SLIT2: variants seen among roughly 807,000 people sequenced by gnomAD.
The protein encoded by SLIT2 is slit homolog 2 protein.
SLIT2 carries 41 observed loss-of-function variants against 185.7 expected under a neutral mutation model. The ratio of observed to expected loss-of-function variants is 0.22; its 90% confidence interval spans 0.17 to 0.29. The LOEUF (loss-of-function observed/expected upper bound fraction) is 0.29. Ranked by LOEUF, SLIT2 falls within the 10% of genes least tolerant of loss-of-function variation. SLIT2 has a pLI of 1.00. For synonymous variants in SLIT2, 693 were observed against 680.2 expected (o/e 1.02, Z -0.29); for missense variants, 1,571 against 1,909.0 (o/e 0.82, Z 3.30).
intron 3 of SLIT2, among the ~76,000 whole-genome samples, chr4:20,268,190 A>G (rs944760391): frequency 6.6e-6 from 1 of 151,914 alleles, no homozygotes; most frequent in Non-Finnish European, 1.5e-5. Flanking sequence ...TTAAAACATT[A>G]CTGAAACTGA....
At chr4:20,592,051 G>C (rs61790708) in intron 30 of SLIT2, among the ~76,000 whole-genome samples, 7,396 of 152,224 alleles carry the variant, frequency 0.049, 211 homozygotes, top group African/African-American at 0.074. Flanking sequence ...GGTTAGGTCA[G>C]TGTGTGTGCT....
chr4:20,583,239 CATT>C (rs373820170), intron 29 of SLIT2, among the ~76,000 whole-genome samples: 22 of 152,016 alleles, frequency 1.4e-4, no homozygotes, highest in African/African-American at 5.1e-4. Flanking sequence ...TGTTGTTTAC[CATT>C]ATACTTCTAG....
At chr4:20,490,830 T>C in intron 8 of SLIT2, 1 of 1,513,022 alleles carries the variant, frequency 6.6e-7, no homozygotes, top group Non-Finnish European at 8.9e-7. Flanking sequence ...TTCACATTTC[T>C]TTTTTAGACC....
chr4:20,460,562 T>A (rs1198033848), intron 4 of SLIT2, among the ~76,000 whole-genome samples: 2 of 152,168 alleles, frequency 1.3e-5, no homozygotes, highest in African/African-American at 4.8e-5. Flanking sequence ...GTACAATAGA[T>A]CTCTGGAACT....
chr4:20,574,897 G>A (rs763860761), intron 29 of SLIT2, among the ~76,000 whole-genome samples: 1 of 151,638 alleles, frequency 6.6e-6, no homozygotes, highest in Non-Finnish European at 1.5e-5. Context: ...TACTGTGTTT[G>A]CTGACTTACT....
At chr4:20,283,555 C>T (rs1241110123) in intron 4 of SLIT2, among the ~76,000 whole-genome samples, 1 of 152,080 alleles carries the variant, frequency 6.6e-6, no homozygotes, top group Non-Finnish European at 1.5e-5. Context: ...TTTAAAAATA[C>T]ACCTGAATGA....
intron 17 of SLIT2, chr4:20,533,314 A>G (rs913099679): frequency 1.4e-5 from 5 of 370,200 alleles, no homozygotes; most frequent in African/African-American, 8.4e-5. Context: ...CCTGACCTCA[A>G]GAATTTTATA....
At chr4:20,281,250 C>T (rs1208174022) in intron 4 of SLIT2, among the ~76,000 whole-genome samples, 2 of 152,174 alleles carry the variant, frequency 1.3e-5, no homozygotes, top group Admixed American at 6.5e-5. Context: ...TTTTAATAAT[C>T]ACCTGTCTCT....
intron 4 of SLIT2, among the ~76,000 whole-genome samples, chr4:20,298,952 T>A (rs1050211303): frequency 2.6e-5 from 4 of 152,214 alleles, no homozygotes; most frequent in Admixed American, 1.3e-4. Context: ...TATTGCATTA[T>A]TTTTAATAAA....
chr4:20,472,286 A>ATATC (rs1715209098), intron 5 of SLIT2, among the ~76,000 whole-genome samples: 5 of 14,694 alleles, frequency 3.4e-4, no homozygotes, highest in South Asian at 3.3e-3. Flanking sequence ...CTATATATAT[A>ATATC]GATATATAGA....
chr4:20,579,325 C>G (rs1044419016), intron 29 of SLIT2, among the ~76,000 whole-genome samples: 1 of 151,334 alleles, frequency 6.6e-6, no homozygotes, highest in African/African-American at 2.4e-5. Context: ...ATAGCCCAGC[C>G]AACAATTCTT....
chr4:20,380,065 A>G (rs1724367643), intron 4 of SLIT2, among the ~76,000 whole-genome samples: 1 of 152,126 alleles, frequency 6.6e-6, no homozygotes, highest in African/African-American at 2.4e-5. Flanking sequence ...GAATTGATCA[A>G]TGTAAAGGAG....
intron 4 of SLIT2, among the ~76,000 whole-genome samples, chr4:20,389,768 A>G (rs980070235): frequency 6.6e-6 from 1 of 152,100 alleles, no homozygotes; most frequent in South Asian, 2.1e-4. Flanking sequence ...TTATTCTAGT[A>G]GTTGTGGTAG....
chr4:20,524,264 G>A, intron 14 of SLIT2, 87 bp downstream of exon 14: 1 of 1,154,374 alleles, frequency 8.7e-7, no homozygotes, highest in Non-Finnish European at 1.3e-6. Context: ...CGGCTGATTA[G>A]TGAACACTGT....
chr4:20,346,086 T>C (rs1721386222), intron 4 of SLIT2, among the ~76,000 whole-genome samples: 1 of 151,952 alleles, frequency 6.6e-6, no homozygotes, highest in Non-Finnish European at 1.5e-5. Context: ...TCGAACTTGC[T>C]GATTCAAGCA....
chr4:20,472,484 C>A (rs1226511411), intron 5 of SLIT2, among the ~76,000 whole-genome samples: 16 of 14,698 alleles, frequency 1.1e-3, no homozygotes, highest in African/African-American at 1.5e-3. Flanking sequence ...AGATATATAT[C>A]TATATATAGA....
At position 20,376,514 on chromosome 4, in the gene SLIT2, C is replaced by T. The variant is rs116262013; in HGVS notation, c.396-91238C>T. Among the ~76,000 whole-genome samples the T allele has an allele frequency of 9.4e-3, 1,435 of 152,000 alleles. 14 individuals are homozygous for T. Among genetic ancestry groups the T allele is most frequent in the Middle Eastern group, 0.024 (7 of 294 alleles). ...TTGACTTTTAATGGTGCAATGATGC[C>T]GAAATCCCCCTGTCCGTGCATCAGT... is the stretch of plus-strand genomic sequence containing the variant. On this transcript the variant is annotated intron_variant, in intron 4 of 36. Transcript: ENST00000504154.
Position 20,467,722 on chromosome 4 carries a change from C to T in SLIT2, c.396-30C>T, listed in dbSNP as rs186076913. On this transcript the variant is annotated intron_variant, in intron 4 of 36. Coordinates refer to ENST00000504154, the MANE Select transcript of SLIT2 (RefSeq NM_004787.4). ...ATAATCTTTAAATAATATTTTCTAA[C>T]GTGATCCTTTTTGTTGTTGTTGTTT... 200 of 1,349,620 alleles carry T rather than the reference C, an allele frequency of 1.5e-4. 1 individual carries two copies. In the East Asian group the frequency reaches 3.6e-3, roughly 25 times the overall value. The allele number at this position is 1,349,620 out of a possible 1,614,324, so 83.6% of individuals were successfully genotyped here.
chr4:20,356,074 A>C (rs1177509408), intron 4 of SLIT2, among the ~76,000 whole-genome samples: 1 of 152,178 alleles, frequency 6.6e-6, no homozygotes, highest in African/African-American at 2.4e-5. Flanking sequence ...TAGATCTTTT[A>C]ATCATTCAGT....
Sources: allele counts gnomAD v4.1 joint callset (sites outside exome capture counted in the v4.1 genomes callset), GRCh38; gene constraint gnomAD v4.1.1; transcripts MANE v1.5; gene names NCBI Gene and HGNC (gene_info 2026-07-23, HGNC 2026-07-21).